AKT1S1: variants seen among roughly 807,000 people sequenced by gnomAD.
AKT1S1 encodes AKT1 substrate 1, also known as proline-rich AKT1 substrate 1.
In AKT1S1, 17 loss-of-function variants were observed where a neutral mutation model predicts 21.2. The ratio of observed to expected loss-of-function variants is 0.80; its 90% CI spans 0.55 to 1.20. The LOEUF is 1.20. Ranked by LOEUF, AKT1S1 falls within the 50% of genes most tolerant of loss-of-function variation. The pLI is 0.00. For synonymous variants in AKT1S1, 181 were observed against 165.6 expected, an observed-to-expected ratio of 1.09 and a Z score of -0.72; for missense variants, 366 against 368.3, an observed-to-expected ratio of 0.99 and a Z score of 0.05.
intron 1 of AKT1S1, chr19:49,876,201 C>T: frequency 9.8e-7 from 1 of 1,023,384 alleles, no homozygotes; most frequent in Non-Finnish European, 1.2e-6. Context: ...CTCCCAACCT[C>T]GCCCGGGGTC....
rs1600434038 is a variant in AKT1S1, at chr19:49,873,988, G to A, written c.-7-686C>T. 1.3e-5 allele frequency: 2 copies of A among 152,306 alleles called. No homozygotes were observed. Among genetic ancestry groups the A allele is most frequent in the Admixed American group, 6.5e-5 (1 of 15,278 alleles). 9.4% of individuals were successfully genotyped at this position (152,306 alleles called of 1,614,324 possible). On this transcript the variant is annotated intron_variant, in intron 1 of 4. Transcript: ENST00000344175. The surrounding 1 kb of genome is among the most constrained non-coding windows in gnomAD (Gnocchi z 6.9). Reference sequence around the variant, plus strand: ...CCAGGGGGTTCCTTCAGCACCCGGAGCTGATGCTACTCCTCGCCATAGTCC... The same window carrying A: ...CCAGGGGGTTCCTTCAGCACCCGGAACTGATGCTACTCCTCGCCATAGTCC...
intron 1 of AKT1S1, chr19:49,876,606 C>A: frequency 6.5e-7 from 1 of 1,531,192 alleles, no homozygotes; most frequent in Non-Finnish European, 8.8e-7. Context: ...CACTCACGTG[C>A]CCGTAGCCAG....
chr19:49,877,686 A>T (rs1168209183), upstream of AKT1S1: 1 of 1,595,598 alleles, frequency 6.3e-7, no homozygotes, highest in Admixed American at 1.8e-5. Context: ...TGACTAGGAA[A>T]AGGAGGAGGC....
At chr19:49,871,988 C>T (rs999256462) in intron 2 of AKT1S1, 99 bp from the exon 3 acceptor site, 35 of 1,210,466 alleles carry the variant, frequency 2.9e-5, no homozygotes, top group Middle Eastern at 4.5e-4. Context: ...GCCACCACCT[C>T]CACCTCCCTG....
intron 1 of AKT1S1, chr19:49,874,800 A>C (rs975043773): frequency 2.6e-5 from 4 of 152,278 alleles, no homozygotes; most frequent in Non-Finnish European, 5.9e-5. Context: ...GCACACCGCC[A>C]CTGCACGGAT....
intron 1 of AKT1S1, chr19:49,876,230 C>A (rs1259899611): frequency 9.4e-7 from 1 of 1,066,964 alleles, no homozygotes; most frequent in Admixed American, 5.4e-5. Context: ...ACCCACTGGT[C>A]TAGGAAGAAA....
rs541370185 is a variant in AKT1S1, at chr19:49,876,255, C to G, written c.-8+982G>C. 13 of 1,124,778 alleles carry G rather than the reference C, an allele frequency of 1.2e-5. No individual in the cohort carries two copies. The African/African-American group carries it at 2.1e-4, about 18-fold the overall frequency. The allele number at this position is 1,124,778 out of a possible 1,614,324, so 69.7% of individuals were successfully genotyped here. ...CTAGGAAGAAAACAGGAAATCCCGC[C>G]CAGACGGAGGCCAGGACCGGAAGTC... On this transcript the variant is annotated intron_variant, in intron 1 of 4. Transcript: ENST00000344175.
rs2074862093 is a variant in AKT1S1 at position 49,869,821 on chromosome 19, T to C, written c.*96A>G. 1 of 1,261,824 alleles carries C rather than the reference T, an allele frequency of 7.9e-7. No individual in the cohort carries two copies. The allele number at this position is 1,261,824 out of a possible 1,614,324, so 78.2% of individuals were successfully genotyped here. ...GGAATGGGAGACGCAAGGAGGCCGG[T>C]CCCGGATCGGCCTCAGATTAGCAGG... On this transcript the variant is annotated 3_prime_UTR_variant, in exon 5 of 5. Transcript: ENST00000344175.
chr19:49,878,107 T>A, upstream of AKT1S1: 1 of 1,528,498 alleles, frequency 6.5e-7, no homozygotes, highest in Non-Finnish European at 8.9e-7. Context: ...GTCCCCTCGC[T>A]TGGGCCCCAG....
chr19:49,873,191 C>A lies in AKT1S1; in HGVS notation c.105G>T (p.Pro35=). 6.5e-7 allele frequency: 1 copy of A among 1,527,526 alleles called. No homozygotes were observed. The highest frequency in any genetic ancestry group is 8.7e-7 in the Non-Finnish European group (1 of 1,144,512). 94.6% of individuals were successfully genotyped at this position (1,527,526 alleles called of 1,614,324 possible). ...AGGGGCCCGGGCGGGGTGGTGGCGG[C>A]GGGGCCGCGGTCAGCAGCACCAGCT... The part of the protein sequence containing the change: ...GTELVLLTAA[P]PPPPRPGPCA... The change falls in exon 2 of 5, where the codon CCG becomes CCT. Residue 35 remains proline (P), a synonymous_variant. Coordinates refer to ENST00000344175, the MANE Select transcript of AKT1S1 (RefSeq NM_001098633.4). The surrounding 1 kb of genome is among the most constrained non-coding windows in gnomAD (Gnocchi z 6.9).
In AKT1S1 at chr19:49,873,365, CAG is replaced by C; in HGVS notation, c.-7-65_-7-64del. The stretch of plus-strand genomic sequence containing the variant: ...GCGGCCTACATCATCGCCACCCACT[CAG>C]AGTGCCCGCCCGTCCCCTGGATGGC... On this transcript the variant is annotated intron_variant, in intron 1 of 4. Coordinates refer to ENST00000344175, the MANE Select transcript of AKT1S1 (RefSeq NM_001098633.4). The surrounding 1 kb of genome is among the most constrained non-coding windows in gnomAD (Gnocchi z 6.9). 1 of 1,386,718 alleles carries C rather than the reference CAG, an allele frequency of 7.2e-7. No homozygotes were observed. The highest frequency in any genetic ancestry group is 9.3e-7 in the Non-Finnish European group (1 of 1,078,274). The allele number at this position is 1,386,718 out of a possible 1,614,324, so 85.9% of individuals were successfully genotyped here.
At position 49,873,254 on chromosome 19, in the gene AKT1S1, C is replaced by A. The variant is rs767496043; in HGVS notation, c.42G>T (p.Val14=). 6.5e-7 allele frequency: 1 copy of A among 1,535,130 alleles called. No homozygotes were observed. The highest frequency in any genetic ancestry group is 8.7e-7 in the Non-Finnish European group (1 of 1,151,264). Residue 14 remains valine, a synonymous_variant, in exon 2 of 5, where the codon GTG becomes GTT. Transcript: ENST00000344175. This position sits in a 1 kb window ranked among gnomAD's most constrained non-coding sequence, Gnocchi z 6.9. ...GGGCCCGGAAGCGCTCAGCGGCCCC[C>A]ACCACGGCCTCCCACAGCTCCTCGG... The part of the protein sequence containing the change: ...GRPEELWEAV[V]GAAERFRART...
chr19:49,875,466 G>A (rs1171908107), intron 1 of AKT1S1, among the ~76,000 whole-genome samples: 1 of 152,170 alleles, frequency 6.6e-6, no homozygotes, highest in Admixed American at 6.5e-5. Flanking sequence ...AAACCCCACT[G>A]AACTGGGGGG....
rs535465246 is a variant in AKT1S1, at chr19:49,869,872, T to G, written c.*45A>C. ...CCCCGGGAGTGGGGCGGGGGCGTAG[T>G]GTGGGACGGGGCGGACGCGGCCCGG... On this transcript the variant is annotated 3_prime_UTR_variant, in exon 5 of 5. Transcript: ENST00000344175. The G allele has an allele frequency of 1.4e-6, 2 of 1,429,900 alleles. No homozygotes were observed. Among genetic ancestry groups the G allele is most frequent in the South Asian group, 2.8e-5 (2 of 70,428 alleles). 88.6% of individuals were successfully genotyped at this position (1,429,900 alleles called of 1,614,324 possible). A position where few individuals can be genotyped will look rare whatever the true frequency, so the allele number is the denominator to read the frequency against.
Position 49,869,679 on chromosome 19 carries a change from T to C in AKT1S1, c.*238A>G, listed in dbSNP as rs2074859714. 4.6e-6 allele frequency: 2 copies of C among 432,144 alleles called. No individual in the cohort carries two copies. Among genetic ancestry groups the C allele is most frequent in the South Asian group, 5.2e-5 (1 of 19,142 alleles). The allele number at this position is 432,144 out of a possible 1,614,324, so 26.8% of individuals were successfully genotyped here. Reference sequence around the variant, plus strand: ...CCAATCCCTTAATAGAAGGAATCTGTCGCTAGGCGGAGAGAGACGACAGAC... The same window carrying C: ...CCAATCCCTTAATAGAAGGAATCTGCCGCTAGGCGGAGAGAGACGACAGAC... On this transcript the variant is annotated 3_prime_UTR_variant, in exon 5 of 5. Coordinates refer to ENST00000344175, the MANE Select transcript of AKT1S1 (RefSeq NM_001098633.4).
rs754536239 is a variant in AKT1S1, at chr19:49,876,691, G to T, written c.-8+546C>A. On this transcript the variant is annotated intron_variant, in intron 1 of 4. Transcript: ENST00000344175. ...TGCGTCACGTCCGCGCAGTTGCCCC[G>T]CCTCCTCTCCGCACACTCCGCCTCC... 1.6e-5 allele frequency: 24 copies of T among 1,457,702 alleles called. No individual in the cohort carries two copies. In the Admixed American group the frequency reaches 4.0e-4, roughly 24 times the overall value. The allele number at this position is 1,457,702 out of a possible 1,614,324, so 90.3% of individuals were successfully genotyped here.
intron 1 of AKT1S1, chr19:49,874,903 A>G (rs1489758653): frequency 6.6e-6 from 1 of 152,258 alleles, no homozygotes; most frequent in Non-Finnish European, 1.5e-5. Context: ...ACTCACGATC[A>G]TTGATGTTGG....
chr19:49,872,891 A>G, intron 2 of AKT1S1, 26 bp downstream of exon 2: 6 of 1,528,354 alleles, frequency 3.9e-6, no homozygotes, highest in Non-Finnish European at 5.3e-6. Flanking sequence ...GCTGGGCCGC[A>G]CCCGCCCCTG....
At chr19:49,876,810 GGCCCC>G in intron 1 of AKT1S1, 1 of 822,442 alleles carries the variant, frequency 1.2e-6, no homozygotes. Flanking sequence ...TAAGAAAAAT[GGCCCC>G]GCCTAGAGCA....
Sources: gnomAD v4.1 joint callset for allele counts (sites outside exome capture counted in the v4.1 genomes callset) on GRCh38, gnomAD v4.1.1 for gene constraint, Gnocchi (gnomAD v3.1) non-coding constraint, MANE v1.5 for transcripts, NCBI Gene and HGNC (gene_info 2026-07-23, HGNC 2026-07-21) for gene names.